Variants in RBFOX1 observed in about 807,000 individuals in gnomAD.
The protein encoded by RBFOX1 is RNA binding protein fox-1 homolog 1.
Under a neutral mutation model 57.7 loss-of-function variants are expected in RBFOX1, and 8 were observed. That is an observed-to-expected ratio of 0.14 (90% CI 0.08 to 0.25). RBFOX1 has a LOEUF of 0.25. RBFOX1 is among the 10% of genes least tolerant of loss of function. RBFOX1 has a pLI of 1.00. For synonymous variants in RBFOX1, 326 were observed against 222.4 expected, an observed-to-expected ratio of 1.47 and a Z score of -4.15; for missense variants, 611 against 548.5, an observed-to-expected ratio of 1.11 and a Z score of -1.14.
rs143078697 is a variant in RBFOX1, at chr16:6,068,873, C to T, written c.-127+48881C>T. 2.6e-3 allele frequency among the ~76,000 whole-genome samples: 394 copies of T among 152,298 alleles called. 1 individual carries two copies. The highest frequency in any genetic ancestry group is 9.2e-3 in the African/African-American group (384 of 41,558). ...GAATAAACTCCCTTGTCTCCCAGTT[C>T]ACCTGCATCTTATTTTGGGGCAGTG... On this transcript the variant is annotated intron_variant, in intron 1 of 15. Transcript: ENST00000550418.
At chr16:6,895,950 T>A (rs1038940994) in intron 3 of RBFOX1, among the ~76,000 whole-genome samples, 1 of 152,120 alleles carries the variant, frequency 6.6e-6, no homozygotes, top group Admixed American at 6.5e-5. Context: ...ATATATATAT[T>A]TGTGGGGTAC....
At position 7,135,648 on chromosome 16, in the gene RBFOX1, T is replaced by C. The variant is rs74009057; in HGVS notation, c.27+83550T>C. On this transcript the variant is annotated intron_variant, in intron 4 of 15. Coordinates refer to ENST00000550418, the MANE Select transcript of RBFOX1 (RefSeq NM_018723.4). ...TAATTGCCGCTGTTCGCGGCATCCCTGAAGAATATTGAGGATTAATCGTCT... is the reference window on the plus strand; with the variant it reads ...TAATTGCCGCTGTTCGCGGCATCCCCGAAGAATATTGAGGATTAATCGTCT... 7.8e-3 allele frequency among the ~76,000 whole-genome samples: 1,186 copies of C among 152,358 alleles called. 20 individuals are homozygous for C. The highest frequency in any genetic ancestry group is 0.027 in the African/African-American group (1,107 of 41,586).
chr16:5,629,453 C>T (rs928475370), intron 3 of RBFOX1, among the ~76,000 whole-genome samples: 1 of 152,186 alleles, frequency 6.6e-6, no homozygotes, highest in Non-Finnish European at 1.5e-5. Context: ...TGTAGGGGAC[C>T]CTGTGGTCCT....
At position 6,805,730 on chromosome 16, in the gene RBFOX1, C is replaced by T. The variant is rs957080341; in HGVS notation, c.-16+151080C>T. Among the ~76,000 whole-genome samples, 10 of 152,138 alleles carry T rather than the reference C, an allele frequency of 6.6e-5. 1 individual carries two copies. Among genetic ancestry groups the T allele is most frequent in the African/African-American group, 1.9e-4 (8 of 41,430 alleles). ...CATTCTGCATGCCTCACAATGTACCCTCCTTTCTTCAAGGTTTTTCCCTCC... is the reference window on the plus strand; with the variant it reads ...CATTCTGCATGCCTCACAATGTACCTTCCTTTCTTCAAGGTTTTTCCCTCC... On this transcript the variant is annotated intron_variant, in intron 3 of 15. Coordinates refer to ENST00000550418, the MANE Select transcript of RBFOX1 (RefSeq NM_018723.4).
intron 4 of RBFOX1, among the ~76,000 whole-genome samples, chr16:7,440,715 G>C (rs948710762): frequency 6.6e-6 from 1 of 152,106 alleles, no homozygotes; most frequent in Non-Finnish European, 1.5e-5. Context: ...TTCTGTTTAG[G>C]GCTGGGGAGG....
At chr16:5,865,076 G>A (rs548663924) in intron 3 of RBFOX1, among the ~76,000 whole-genome samples, 1 of 152,160 alleles carries the variant, frequency 6.6e-6, no homozygotes, top group Non-Finnish European at 1.5e-5. Flanking sequence ...CACAAGGTTA[G>A]GAAACACTAA....
At chr16:6,657,623 G>C (rs1246837406) in intron 3 of RBFOX1, among the ~76,000 whole-genome samples, 1 of 152,146 alleles carries the variant, frequency 6.6e-6, no homozygotes, top group East Asian at 1.9e-4. Flanking sequence ...ACGTGTGTGT[G>C]TGCATGTCCC....
chr16:7,522,320 G>A (rs2077688692), intron 5 of RBFOX1, among the ~76,000 whole-genome samples: 1 of 152,168 alleles, frequency 6.6e-6, no homozygotes, highest in Non-Finnish European at 1.5e-5. Context: ...ACGGGGTGGG[G>A]TTTGAAGGAA....
chr16:5,552,825 A>G (rs2045516108), intron 2 of RBFOX1, among the ~76,000 whole-genome samples: 1 of 110,430 alleles, frequency 9.1e-6, no homozygotes, highest in Non-Finnish European at 1.9e-5. Context: ...CTCGGAGCAG[A>G]TACAGCCCTT....
chr16:6,799,877 G>T (rs2084960048), intron 3 of RBFOX1, among the ~76,000 whole-genome samples: 1 of 152,112 alleles, frequency 6.6e-6, no homozygotes, highest in African/African-American at 2.4e-5. Context: ...TCGGGACTCG[G>T]AGTGAGTCAT....
chr16:6,395,530 T>A (rs1187219857), intron 2 of RBFOX1, among the ~76,000 whole-genome samples: 1 of 152,018 alleles, frequency 6.6e-6, no homozygotes, highest in Non-Finnish European at 1.5e-5. Context: ...ACTTTTTTTT[T>A]ACTTTTATAA....
At chr16:7,615,499 A>G (rs115966284) in intron 10 of RBFOX1, among the ~76,000 whole-genome samples, 1,596 of 152,268 alleles carry the variant, frequency 0.01, 36 homozygotes, top group African/African-American at 0.037. Flanking sequence ...GATCCAGTGA[A>G]GTTATGATGC....
rs534685925 is a variant in RBFOX1 at position 5,787,091 on chromosome 16, G to A, written c.319-80212G>A. Among the ~76,000 whole-genome samples, 10 of 152,256 alleles carry A rather than the reference G, an allele frequency of 6.6e-5. No individual in the cohort carries two copies. The East Asian group carries it at 9.7e-4, about 15-fold the overall frequency. The stretch of plus-strand genomic sequence containing the variant: ...GGAGGTTGCAGTGTGCTGAGATTGC[G>A]CCACTGCATTCCAGCCTGGGAAACA... On this transcript the variant is annotated intron_variant, in intron 3 of 19. Transcript: ENST00000641259.
At chr16:7,658,641 C>A (rs1490005456) in intron 12 of RBFOX1, among the ~76,000 whole-genome samples, 1 of 152,106 alleles carries the variant, frequency 6.6e-6, no homozygotes, top group South Asian at 2.1e-4. Context: ...AATCCCAATC[C>A]CCTCCCTCAA....
At chr16:6,039,202 C>G (rs145073151) in intron 1 of RBFOX1, among the ~76,000 whole-genome samples, 1 of 151,830 alleles carries the variant, frequency 6.6e-6, no homozygotes, top group African/African-American at 2.4e-5. Context: ...GAAGCCTGGT[C>G]GGGGCAAGTC....
intron 3 of RBFOX1, among the ~76,000 whole-genome samples, chr16:6,672,949 C>G (rs1363918378): frequency 1.3e-5 from 2 of 152,076 alleles, no homozygotes; most frequent in Non-Finnish European, 2.9e-5. Flanking sequence ...TGTTGATCAA[C>G]CTGGTCTGAA....
chr16:5,750,699 T>A (rs963435816), intron 3 of RBFOX1, among the ~76,000 whole-genome samples: 1 of 152,222 alleles, frequency 6.6e-6, no homozygotes, highest in African/African-American at 2.4e-5. Flanking sequence ...GTGTGCCGTT[T>A]GCTGACTGTT....
intron 2 of RBFOX1, among the ~76,000 whole-genome samples, chr16:6,390,316 C>A (rs1033330407): frequency 1.3e-5 from 2 of 152,160 alleles, no homozygotes; most frequent in Admixed American, 1.3e-4. Context: ...CCCCTCCCCA[C>A]CCCCAAATCC....
intron 2 of RBFOX1, among the ~76,000 whole-genome samples, chr16:6,551,044 T>C (rs1034214891): frequency 2.0e-5 from 3 of 152,164 alleles, no homozygotes; most frequent in Admixed American, 6.5e-5. Context: ...ATTTTGTTTC[T>C]CTTGGGGGCC....
Sources: allele counts gnomAD v4.1 joint callset (sites outside exome capture counted in the v4.1 genomes callset), GRCh38; gene constraint gnomAD v4.1.1; transcripts MANE v1.5; gene names NCBI Gene and HGNC (gene_info 2026-07-23, HGNC 2026-07-21).